ATRX: variants seen among roughly 807,000 people sequenced by gnomAD.
ATRX encodes chromatin remodeler ATRX.
ATRX carries 12 observed loss-of-function variants against 172.6 expected under a neutral mutation model. The observed-to-expected ratio is 0.07, with a 90% confidence interval of 0.04 to 0.11. ATRX has a LOEUF of 0.11. Among genes scored for constraint, ATRX ranks in the 10% least tolerant of loss-of-function variants. The pLI is 1.00. For synonymous variants in ATRX, 674 were observed against 594.7 expected, an observed-to-expected ratio of 1.13 and a Z score of -1.94; for missense variants, 1,368 against 1,767.4, an observed-to-expected ratio of 0.77 and a Z score of 4.05.
intron 2 of ATRX, 102 bp downstream of exon 2, chrX:77,717,029 T>C (rs1886654982): frequency 1.4e-5 from 10 of 717,507 alleles, no homozygotes; most frequent in Non-Finnish European, 2.1e-5. Flanking sequence ...TGAAATCTCT[T>C]TTAAAAGCTG....
At chrX:77,695,438 T>A (rs2072134886) in intron 5 of ATRX, among the ~76,000 whole-genome samples, 1 of 111,565 alleles carries the variant, frequency 9.0e-6, no homozygotes. Flanking sequence ...CATCATATGC[T>A]GACTTTCTTC....
In ATRX at chrX:77,704,594, C is replaced by T. The variant is rs188658692; in HGVS notation, c.134-5965G>A. The stretch of plus-strand genomic sequence containing the variant: ...CCAGGCTGTAGATGCAAGGGGGCAC[C>T]TGCAGGCCAGTGCTGAACTGCCCTC... On this transcript the variant is annotated intron_variant, in intron 2 of 34. Transcript: ENST00000373344. Among the ~76,000 whole-genome samples the T allele has an allele frequency of 1.8e-4, 20 of 112,163 alleles. No homozygotes were observed. The East Asian group carries it at 4.5e-3, about 25-fold the overall frequency.
At position 77,536,686 on chromosome X, in the gene ATRX, T is replaced by C. The variant is rs1278207046; in HGVS notation, c.6700-13285A>G. On this transcript the variant is annotated intron_variant, in intron 30 of 34. Transcript: ENST00000373344. ...GGACGTATAGCTTTGTTTCCCAGGT[T>C]TCTCTCTACAATGGATAATTTCATG... Among the ~76,000 whole-genome samples the C allele has an allele frequency of 2.7e-5, 3 of 112,263 alleles. No individual in the cohort carries two copies. The East Asian group carries it at 8.4e-4, about 31-fold the overall frequency.
At chrX:77,723,651 C>T (rs2073887064) in intron 1 of ATRX, among the ~76,000 whole-genome samples, 1 of 111,447 alleles carries the variant, frequency 9.0e-6, no homozygotes, top group African/African-American at 3.3e-5. Context: ...TGTCCTTAAT[C>T]GTGCTCAGAT....
intron 30 of ATRX, among the ~76,000 whole-genome samples, chrX:77,540,077 C>T (rs1167132825): frequency 1.8e-5 from 2 of 111,352 alleles, no homozygotes; most frequent in African/African-American, 6.5e-5. Context: ...ACCCATCTCA[C>T]TTGCAAAGAC....
chrX:77,550,912 T>C (rs2064474118), intron 30 of ATRX, among the ~76,000 whole-genome samples: 1 of 111,440 alleles, frequency 9.0e-6, no homozygotes, highest in Non-Finnish European at 1.9e-5. Context: ...TTACAAGGGA[T>C]GTGAAGGACC....
At position 77,681,800 on chromosome X, in the gene ATRX, G is replaced by C. The variant is rs2071214967; in HGVS notation, c.3456C>G (p.Gly1152=). Residue 1152 remains glycine (G), a synonymous_variant, in exon 9 of 35, where the codon GGC becomes GGG. Coordinates refer to ENST00000373344, the MANE Select transcript of ATRX (RefSeq NM_000489.6). The part of the protein sequence containing the change: ...SKRNTKEIQS[G]SSSSDAEESS... The stretch of plus-strand genomic sequence containing the variant: ...TTTCCTCAGCATCAGATGATGATGA[G>C]CCACTTTGTATTTCCTTAGTATTTC... The C allele has an allele frequency of 4.2e-6, 5 of 1,197,391 alleles. No homozygotes were observed. The highest frequency in any genetic ancestry group is 4.5e-6 in the Non-Finnish European group (4 of 890,949).
intron 9 of ATRX, among the ~76,000 whole-genome samples, chrX:77,676,685 G>C (rs1365524633): frequency 4.4e-5 from 5 of 112,463 alleles, no homozygotes; most frequent in Non-Finnish European, 7.5e-5. Context: ...AGCAAAAACA[G>C]TATTAATATT....
chrX:77,626,028 CATATATATATATATATATATAT>C (rs782747198), intron 19 of ATRX, among the ~76,000 whole-genome samples: 3,930 of 36,227 alleles, frequency 0.11, 271 homozygotes, highest in African/African-American at 0.22. Flanking sequence ...GAAATTGTGG[CATATATATATATATATATATAT>C]ATATATATAT....
At chrX:77,586,481 C>T (rs1355677119) in intron 27 of ATRX, among the ~76,000 whole-genome samples, 1 of 111,824 alleles carries the variant, frequency 8.9e-6, no homozygotes, top group Admixed American at 9.4e-5. Context: ...TTAGCAGAGA[C>T]AATCTATGTT....
intron 30 of ATRX, among the ~76,000 whole-genome samples, chrX:77,542,185 G>C (rs782323945): frequency 2.2e-4 from 25 of 111,334 alleles, no homozygotes; most frequent in African/African-American, 7.8e-4. Context: ...GACAAACATA[G>C]AGCCAAATCA....
At chrX:77,536,895 A>G (rs2063766878) in intron 30 of ATRX, among the ~76,000 whole-genome samples, 1 of 111,544 alleles carries the variant, frequency 9.0e-6, no homozygotes, top group Non-Finnish European at 1.9e-5. Flanking sequence ...AACTTTGTCA[A>G]CTGGGAGGCT....
At chrX:77,725,165 A>C (rs1275645619) in intron 1 of ATRX, among the ~76,000 whole-genome samples, 3 of 111,597 alleles carry the variant, frequency 2.7e-5, no homozygotes, top group African/African-American at 9.8e-5. Flanking sequence ...CATTGCCACA[A>C]CAATCCTAAG....
At chrX:77,647,123 G>A (rs1323946452) in intron 15 of ATRX, among the ~76,000 whole-genome samples, 1 of 111,062 alleles carries the variant, frequency 9.0e-6, no homozygotes, top group Non-Finnish European at 1.9e-5. Context: ...CATAACAGAA[G>A]ACAACTGGAA....
At chrX:77,511,424 C>G (rs1276007377) in intron 34 of ATRX, among the ~76,000 whole-genome samples, 1 of 111,580 alleles carries the variant, frequency 9.0e-6, no homozygotes, top group Non-Finnish European at 1.9e-5. Flanking sequence ...CCACAACCAT[C>G]AAGACCATCC....
At chrX:77,543,821 T>C in intron 30 of ATRX, among the ~76,000 whole-genome samples, 1 of 109,438 alleles carries the variant, frequency 9.1e-6, no homozygotes, top group Non-Finnish European at 1.9e-5. Context: ...GGTGGGGATC[T>C]AGGGGAGGGA....
rs191627729 is a variant in ATRX, at chrX:77,553,591, A to G, written c.6699+3860T>C. 1.8e-3 allele frequency among the ~76,000 whole-genome samples: 203 copies of G among 111,181 alleles called. 2 individuals are homozygous for G. Among genetic ancestry groups the G allele is most frequent in the African/African-American group, 6.1e-3 (186 of 30,605 alleles). On this transcript the variant is annotated intron_variant, in intron 30 of 34. Coordinates refer to ENST00000373344, the MANE Select transcript of ATRX (RefSeq NM_000489.6). ...ACCCTTACTCTACCAGTATCTCCTT[A>G]TACTCTTATTTATTTTTAACTACTT...
intron 17 of ATRX, 112 bp downstream of exon 17, chrX:77,634,482 T>C: frequency 1.6e-6 from 1 of 627,067 alleles, no homozygotes; most frequent in Admixed American, 2.7e-5. Context: ...CTTGTTATTC[T>C]TGTTCACTGC....
At position 77,521,394 on chromosome X, in the gene ATRX, T is replaced by C. The variant is rs1227242737; in HGVS notation, c.7071+9A>G. On this transcript the variant is annotated intron_variant, in intron 33 of 34. Transcript: ENST00000373344. Reference sequence around the variant, plus strand: ...GAGGTTGGAATAAGACAATTGCCAATTAGCTTACTACAGCTGAAATTATAT... The same window carrying C: ...GAGGTTGGAATAAGACAATTGCCAACTAGCTTACTACAGCTGAAATTATAT... 3.3e-6 allele frequency: 4 copies of C among 1,195,433 alleles called. No homozygotes were observed. In the South Asian group the frequency reaches 5.3e-5, roughly 16 times the overall value.
Sources: allele counts gnomAD v4.1 joint callset (sites outside exome capture counted in the v4.1 genomes callset), GRCh38; gene constraint gnomAD v4.1.1; transcripts MANE v1.5; gene names NCBI Gene and HGNC (gene_info 2026-07-23, HGNC 2026-07-21).